FAM107B: variants seen among roughly 807,000 people sequenced by gnomAD.
FAM107B encodes protein FAM107B.
FAM107B carries 21 observed loss-of-function variants against 31.5 expected under a neutral mutation model. That is an observed-to-expected ratio of 0.67 (90% CI 0.47 to 0.96). The LOEUF (loss-of-function observed/expected upper bound fraction) is 0.96, where lower values mean the gene tolerates loss of function less well. FAM107B is among the 40% of genes least tolerant of loss of function. The pLI is 0.00. For synonymous variants in FAM107B, 157 were observed against 141.5 expected (o/e 1.11, Z -0.78); for missense variants, 452 against 377.1 (o/e 1.20, Z -1.64).
intron 2 of FAM107B, among the ~76,000 whole-genome samples, chr10:14,531,539 GAAAAAAAAA>G (rs59782461): frequency 3.3e-5 from 4 of 120,682 alleles, no homozygotes; most frequent in Non-Finnish European, 7.1e-5. Context: ...TAAAAGAAAA[GAAAAAAAAA>G]AAAAAAAAAG....
chr10:14,725,125 G>C (rs1210513355), intron 1 of FAM107B, among the ~76,000 whole-genome samples: 1 of 152,180 alleles, frequency 6.6e-6, no homozygotes, highest in Non-Finnish European at 1.5e-5. Context: ...TGTATTTGTA[G>C]ATCCACAAGG....
At chr10:14,580,941 T>A (rs942967077) in intron 2 of FAM107B, among the ~76,000 whole-genome samples, 1 of 152,196 alleles carries the variant, frequency 6.6e-6, no homozygotes, top group Non-Finnish European at 1.5e-5. Context: ...TCTTACTCTG[T>A]TGCTTTGGTA....
chr10:14,622,962 C>A (rs987156991), intron 2 of FAM107B, among the ~76,000 whole-genome samples: 1 of 152,116 alleles, frequency 6.6e-6, no homozygotes. Flanking sequence ...CAAAGGGGAA[C>A]AGGAATGTGG....
chr10:14,550,107 T>A (rs186163660), intron 2 of FAM107B, among the ~76,000 whole-genome samples: 17 of 152,342 alleles, frequency 1.1e-4, no homozygotes, highest in East Asian at 5.8e-4. Flanking sequence ...ATTTTAGTGA[T>A]GAGGAACAGA....
intron 2 of FAM107B, among the ~76,000 whole-genome samples, chr10:14,612,744 C>A (rs1184831928): frequency 6.6e-6 from 1 of 151,892 alleles, no homozygotes; most frequent in Non-Finnish European, 1.5e-5. Flanking sequence ...GACCTTTGTC[C>A]AAAATGATAA....
chr10:14,598,820 C>G (rs1378863508), intron 2 of FAM107B, among the ~76,000 whole-genome samples: 1 of 152,216 alleles, frequency 6.6e-6, no homozygotes, highest in Admixed American at 6.5e-5. Context: ...CCCCACCATG[C>G]ATGGGAGGTG....
At chr10:14,641,751 G>A (rs1588677419) in intron 2 of FAM107B, among the ~76,000 whole-genome samples, 1 of 152,162 alleles carries the variant, frequency 6.6e-6, no homozygotes, top group African/African-American at 2.4e-5. Context: ...ATCACATTGA[G>A]GATTAGGGCT....
At chr10:14,559,227 G>A (rs1850015823) in intron 2 of FAM107B, among the ~76,000 whole-genome samples, 1 of 152,130 alleles carries the variant, frequency 6.6e-6, no homozygotes, top group African/African-American at 2.4e-5. Flanking sequence ...GCCATGTCCA[G>A]AGGGCAGGAC....
At chr10:14,578,849 A>C (rs1387559723) in intron 2 of FAM107B, among the ~76,000 whole-genome samples, 1 of 152,230 alleles carries the variant, frequency 6.6e-6, no homozygotes, top group East Asian at 1.9e-4. Flanking sequence ...AATCTAAAGA[A>C]TGCCGCAAGT....
At chr10:14,603,808 G>A (rs1011813485) in intron 2 of FAM107B, among the ~76,000 whole-genome samples, 1 of 151,838 alleles carries the variant, frequency 6.6e-6, no homozygotes, top group Non-Finnish European at 1.5e-5. Context: ...TCTGCCTGGC[G>A]GGGGCTGGCG....
chr10:14,664,073 G>T (rs1854340863), intron 2 of FAM107B, among the ~76,000 whole-genome samples: 1 of 152,014 alleles, frequency 6.6e-6, no homozygotes, highest in African/African-American at 2.4e-5. Flanking sequence ...AAACTTCCTG[G>T]ATTCCTCCAG....
At chr10:14,688,117 C>A (rs758872778) in intron 1 of FAM107B, among the ~76,000 whole-genome samples, 1 of 152,222 alleles carries the variant, frequency 6.6e-6, no homozygotes, top group Non-Finnish European at 1.5e-5. Context: ...CTTGCTGAGT[C>A]TTCCAGCCTT....
intron 2 of FAM107B, among the ~76,000 whole-genome samples, chr10:14,542,882 T>C (rs1362907850): frequency 1.3e-5 from 2 of 152,198 alleles, no homozygotes; most frequent in African/African-American, 2.4e-5. Flanking sequence ...TGGTGAGAAA[T>C]AGATATATTA....
intron 1 of FAM107B, among the ~76,000 whole-genome samples, chr10:14,720,898 G>C (rs1406760303): frequency 6.6e-6 from 1 of 152,032 alleles, no homozygotes; most frequent in African/African-American, 2.4e-5. Flanking sequence ...ACAATGTGCA[G>C]GTTTGTTACG....
intron 2 of FAM107B, chr10:14,554,259 T>G: frequency 1.9e-5 from 9 of 473,870 alleles, no homozygotes; most frequent in Non-Finnish European, 2.5e-5. Flanking sequence ...GCACTGCAGT[T>G]CACAGCACTG....
intron 2 of FAM107B, among the ~76,000 whole-genome samples, chr10:14,667,025 A>G (rs1854420299): frequency 6.6e-6 from 1 of 152,250 alleles, no homozygotes; most frequent in Non-Finnish European, 1.5e-5. Context: ...CCATTGGTAA[A>G]TAGAGGCTGA....
chr10:14,613,840 T>A (rs1252765196), intron 2 of FAM107B, among the ~76,000 whole-genome samples: 1 of 152,144 alleles, frequency 6.6e-6, no homozygotes, highest in Non-Finnish European at 1.5e-5. Flanking sequence ...TTTATTAAAA[T>A]TCAAAGTCAG....
intron 1 of FAM107B, among the ~76,000 whole-genome samples, chr10:14,689,128 C>T (rs757357015): frequency 7.9e-5 from 12 of 152,030 alleles, no homozygotes; most frequent in African/African-American, 1.9e-4. Context: ...TGGCCAGGTG[C>T]GGTGGCTCAC....
chr10:14,749,346 G>A (rs1832783531), intron 1 of FAM107B, among the ~76,000 whole-genome samples: 2 of 152,130 alleles, frequency 1.3e-5, no homozygotes. Flanking sequence ...TGCCCTCCGT[G>A]TGACCTAATG....
Sources: gnomAD v4.1 joint callset for allele counts (sites outside exome capture counted in the v4.1 genomes callset) on GRCh38, gnomAD v4.1.1 for gene constraint, MANE v1.5 for transcripts, NCBI Gene and HGNC (gene_info 2026-07-23, HGNC 2026-07-21) for gene names.